The following MECR variants were observed in gnomAD, a reference collection of about 807,000 sequenced individuals.
MECR encodes the protein mitochondrial trans-2-enoyl-CoA reductase.
In MECR, 37 loss-of-function variants were observed where a neutral mutation model predicts 49.1. That is an observed-to-expected ratio of 0.75 (90% CI 0.58 to 0.99). The LOEUF (loss-of-function observed/expected upper bound fraction) is 0.99. MECR is among the 50% of genes least tolerant of loss of function. The probability of loss-of-function intolerance (pLI) is 0.00; values close to 1 mark genes in which losing one functional copy is unlikely to be tolerated. For missense variants in MECR, 470 were observed against 479.6 expected (o/e 0.98, Z 0.19); for synonymous variants, 198 against 191.1 (o/e 1.04, Z -0.30).
At position 29,230,736 on chromosome 1, in the gene MECR, G is replaced by A; in HGVS notation, c.171C>T (p.Val57=). 6.3e-7 allele frequency: 1 copy of A among 1,577,934 alleles called. No homozygotes were observed. The highest frequency in any genetic ancestry group is 8.6e-7 in the Non-Finnish European group (1 of 1,161,782). ...VYGHHGDPAK[V]VELKNLELAA... ...GCTTCGGCGCCGTCTCTTACTCGAC[G>A]ACCTTGGCTGGATCCCCGTGGTGCC... is the stretch of plus-strand genomic sequence containing the variant. The change falls in exon 1 of 10, where the codon GTC becomes GTT. Residue 57 remains valine, a synonymous_variant. Transcript: ENST00000263702.
intron 3 of MECR, among the ~76,000 whole-genome samples, chr1:29,209,555 G>C (rs963820569): frequency 2.6e-5 from 4 of 152,184 alleles, no homozygotes; most frequent in African/African-American, 9.7e-5. Context: ...GCCTAGTCTG[G>C]GACTTTGGCA....
At chr1:29,181,789 C>A in the MECR span, 1 of 1,525,572 alleles carries the variant, frequency 6.6e-7, no homozygotes, top group African/African-American at 1.4e-5. Context: ...CCGGCCCCAG[C>A]CCCCCTTAGG....
At position 29,216,582 on chromosome 1, in the gene MECR, G is replaced by C. The variant is rs1337067050; in HGVS notation, c.274+6C>G. 6.2e-7 allele frequency: 1 copy of C among 1,613,868 alleles called. No individual in the cohort carries two copies. The highest frequency in any genetic ancestry group is 1.7e-5 in the Admixed American group (1 of 60,012). On this transcript the variant is annotated splice_donor_region_variant and intron_variant, in intron 2 of 9. Transcript: ENST00000263702. ...AATTAACATAAGCCACAGAAACCAA[G>C]GTTACCTTGGATCATATTTATGTCA... is the stretch of plus-strand genomic sequence containing the variant.
intron 3 of MECR, among the ~76,000 whole-genome samples, chr1:29,210,248 G>A (rs1017905864): frequency 6.6e-5 from 10 of 152,104 alleles, no homozygotes; most frequent in Non-Finnish European, 2.9e-5. Flanking sequence ...TCCTGACCTC[G>A]TGATCCGCCC....
At position 29,192,775 on chromosome 1, in the gene MECR, C is replaced by G. The variant is rs573792884; in HGVS notation, c.*1247G>C. The G allele has an allele frequency of 6.6e-6, 1 of 152,310 alleles. No individual in the cohort carries two copies. The highest frequency in any genetic ancestry group is 6.5e-5 in the Admixed American group (1 of 15,296). The allele number at this position is 152,310 out of a possible 1,614,324, so 9.4% of individuals were successfully genotyped here. A position where few individuals can be genotyped will look rare whatever the true frequency, so the allele number is the denominator to read the frequency against. On this transcript the variant is annotated 3_prime_UTR_variant, in exon 10 of 10. Coordinates refer to ENST00000263702, the MANE Select transcript of MECR (RefSeq NM_016011.5). Reference sequence around the variant, plus strand: ...TTTGTGAGAGCCCACCTTCAAACTTCACCTCAAGGAAGCATACCCCTGTCC... The same window carrying G: ...TTTGTGAGAGCCCACCTTCAAACTTGACCTCAAGGAAGCATACCCCTGTCC...
the MECR span, among the ~76,000 whole-genome samples, chr1:29,185,479 G>A: frequency 6.6e-6 from 1 of 151,978 alleles, no homozygotes; most frequent in African/African-American, 2.4e-5. Context: ...GCAATGGCAC[G>A]ATCCCCGCTC....
intron 3 of MECR, among the ~76,000 whole-genome samples, chr1:29,209,646 G>T (rs79584455): frequency 0.12 from 17,505 of 152,070 alleles, 1,373 homozygotes; most frequent in East Asian, 0.41. Context: ...CTGCGTGAGG[G>T]GTCTGCACTC....
intron 1 of MECR, among the ~76,000 whole-genome samples, chr1:29,217,044 G>T (rs1186099463): frequency 7.7e-6 from 1 of 130,044 alleles, no homozygotes; most frequent in East Asian, 2.6e-4. Flanking sequence ...TGAGGCAGAA[G>T]AATTGCTTCA....
At chr1:29,218,160 G>A (rs1160607460) in intron 1 of MECR, among the ~76,000 whole-genome samples, 1 of 152,190 alleles carries the variant, frequency 6.6e-6, no homozygotes, top group African/African-American at 2.4e-5. Context: ...GTGAAACTTT[G>A]CTTAATGGGC....
Position 29,230,871 on chromosome 1 carries a change from G to T in MECR, c.36C>A (p.Thr12=), listed in dbSNP as rs755295690. ...GCAGCCCCCGCCACTGCCGGGCGGG[G>T]GTTCGCACCCGCCACAGGGTACTGC... ...WVCSTLWRVR[T]PARQWRGLLP... The change falls in exon 1 of 10, where the codon ACC becomes ACA. Residue 12 remains threonine, a synonymous_variant. Coordinates refer to ENST00000263702, the MANE Select transcript of MECR (RefSeq NM_016011.5). 1.9e-6 allele frequency: 3 copies of T among 1,607,560 alleles called. No individual in the cohort carries two copies. The highest frequency in any genetic ancestry group is 4.5e-5 in the East Asian group (2 of 44,802).
intron 5 of MECR, 24 bp downstream of exon 5, chr1:29,203,107 G>A (rs1160552286): frequency 6.5e-7 from 1 of 1,541,436 alleles, no homozygotes; most frequent in Non-Finnish European, 8.8e-7. Context: ...CATGGTCTGG[G>A]ATGAAGCCTC....
the MECR span, among the ~76,000 whole-genome samples, chr1:29,185,158 G>C: frequency 3.3e-5 from 5 of 152,154 alleles, no homozygotes; most frequent in Non-Finnish European, 2.9e-5. Context: ...CTGGGCTCAA[G>C]CAATCCTCCC....
the MECR span, chr1:29,169,260 A>AC: frequency 6.6e-6 from 1 of 152,176 alleles, no homozygotes; most frequent in Non-Finnish European, 1.5e-5. Flanking sequence ...GATTCTTCAC[A>AC]CCCAGCTAAC....
At chr1:29,179,887 T>C in the MECR span, among the ~76,000 whole-genome samples, 1 of 152,222 alleles carries the variant, frequency 6.6e-6, no homozygotes, top group Non-Finnish European at 1.5e-5. Context: ...TGTTGATGGG[T>C]TATCAATACA....
At chr1:29,225,127 A>G (rs1175863458) in intron 1 of MECR, among the ~76,000 whole-genome samples, 5 of 152,244 alleles carry the variant, frequency 3.3e-5, no homozygotes, top group African/African-American at 1.2e-4. Context: ...ATGGAAGGTA[A>G]TGTATGAGTT....
rs546794396 is a variant in MECR at position 29,216,209 on chromosome 1, C to A, written c.275-73G>T. 1.9e-6 allele frequency: 3 copies of A among 1,561,932 alleles called. No individual in the cohort carries two copies. The Admixed American group carries it at 5.1e-5, about 27-fold the overall frequency. On this transcript the variant is annotated intron_variant, in intron 2 of 9. Coordinates refer to ENST00000263702, the MANE Select transcript of MECR (RefSeq NM_016011.5). ...GAAAGAGCATGGACTTGAGTCCACG[C>A]CATCCTAGGCCTGATCTGGGCTCTG... is the stretch of plus-strand genomic sequence containing the variant.
intron 3 of MECR, among the ~76,000 whole-genome samples, chr1:29,214,472 C>T (rs1247542631): frequency 4.0e-5 from 6 of 151,882 alleles, no homozygotes; most frequent in African/African-American, 1.2e-4. Context: ...AGAGATTCTC[C>T]TGCCTTAGTC....
At chr1:29,204,494 A>C (rs1676093184) in intron 4 of MECR, among the ~76,000 whole-genome samples, 1 of 152,212 alleles carries the variant, frequency 6.6e-6, no homozygotes, top group South Asian at 2.1e-4. Flanking sequence ...GAGAATAAAA[A>C]ATAACAGAGT....
the MECR span, among the ~76,000 whole-genome samples, chr1:29,185,988 GCA>G: frequency 6.6e-6 from 1 of 151,692 alleles, no homozygotes; most frequent in Non-Finnish European, 1.5e-5. Context: ...CCCATCACAT[GCA>G]CACACACACA....
Sources: gnomAD v4.1 joint callset for allele counts (sites outside exome capture counted in the v4.1 genomes callset) on GRCh38, gnomAD v4.1.1 for gene constraint, MANE v1.5 for transcripts, NCBI Gene and HGNC (gene_info 2026-07-23, HGNC 2026-07-21) for gene names.